KCNH5: variants seen among roughly 807,000 people sequenced by gnomAD.
KCNH5 encodes potassium voltage-gated channel subfamily H member 5.
Under a neutral mutation model 96.1 loss-of-function variants are expected in KCNH5, and 46 were observed. The ratio of observed to expected loss-of-function variants is 0.48; its 90% CI spans 0.38 to 0.61. KCNH5 has a LOEUF of 0.61. KCNH5 is among the 20% of genes least tolerant of loss of function. KCNH5 has a pLI of 0.00. For synonymous variants in KCNH5, 439 were observed against 449.8 expected (o/e 0.98, Z 0.30); for missense variants, 907 against 1,225.8 (o/e 0.74, Z 3.88).
chr14:62,919,153 G>GTATATATATATA (rs1889333827), intron 7 of KCNH5, among the ~76,000 whole-genome samples: 1 of 152,004 alleles, frequency 6.6e-6, no homozygotes, highest in Non-Finnish European at 1.5e-5. Context: ...ATATATACAT[G>GTATATATATATA]TGCCTAGAGA....
intron 7 of KCNH5, among the ~76,000 whole-genome samples, chr14:62,891,583 C>G (rs1328674619): frequency 6.6e-6 from 1 of 152,072 alleles, no homozygotes; most frequent in Admixed American, 6.6e-5. Context: ...TGAAACTAAA[C>G]ATCATGCCCC....
At chr14:62,996,939 A>G (rs558454122) in intron 4 of KCNH5, among the ~76,000 whole-genome samples, 85 of 152,368 alleles carry the variant, frequency 5.6e-4, no homozygotes, top group African/African-American at 2.0e-3. Flanking sequence ...TCATTCGTGT[A>G]TGAAAATGTT....
chr14:62,811,541 T>G (rs1196374711), intron 8 of KCNH5, among the ~76,000 whole-genome samples: 1 of 152,162 alleles, frequency 6.6e-6, no homozygotes, highest in Non-Finnish European at 1.5e-5. Context: ...CTTTCTACCA[T>G]GAATACAGTA....
chr14:62,898,407 A>T (rs1399706567), intron 7 of KCNH5, among the ~76,000 whole-genome samples: 19 of 152,178 alleles, frequency 1.2e-4, no homozygotes, highest in Non-Finnish European at 2.5e-4. Context: ...AAATCGCTGA[A>T]ATAATAGACT....
intron 8 of KCNH5, among the ~76,000 whole-genome samples, chr14:62,840,566 CTTTTTTTTT>C (rs71120238): frequency 5.2e-5 from 4 of 76,366 alleles, no homozygotes; most frequent in Non-Finnish European, 9.1e-5. Context: ...TCTTTTTTTT[CTTTTTTTTT>C]TTTTTTTTTT....
chr14:62,896,375 G>C (rs545344871), intron 7 of KCNH5, among the ~76,000 whole-genome samples: 5 of 152,250 alleles, frequency 3.3e-5, no homozygotes, highest in Admixed American at 3.3e-4. Context: ...TTAGGATTGG[G>C]GAGTGAGTAC....
intron 7 of KCNH5, among the ~76,000 whole-genome samples, chr14:62,890,698 CA>C (rs1277209731): frequency 0.015 from 812 of 55,892 alleles, 3 homozygotes; most frequent in South Asian, 0.018. Flanking sequence ...GACTCCGTCT[CA>C]AAAAAAAAAA....
rs556082162 is a variant in KCNH5 at position 62,847,157 on chromosome 14, A to G, written c.1569+2496T>C. Among the ~76,000 whole-genome samples the G allele has an allele frequency of 3.5e-4, 52 of 147,696 alleles. 1 individual carries two copies. In the East Asian group the frequency reaches 1.0e-2, roughly 28 times the overall value. ...TTAAATATTTTTATATATTTTTTAT[A>G]TATATATATTATATATATAATTTAT... On this transcript the variant is annotated intron_variant, in intron 8 of 10. Transcript: ENST00000322893.
chr14:62,967,570 G>A (rs1310585603), intron 6 of KCNH5, among the ~76,000 whole-genome samples: 1 of 151,996 alleles, frequency 6.6e-6, no homozygotes, highest in East Asian at 1.9e-4. Flanking sequence ...TCAATACAAA[G>A]ACAAACATAT....
chr14:62,951,061 G>C (rs1298673189), intron 6 of KCNH5, among the ~76,000 whole-genome samples: 1 of 152,116 alleles, frequency 6.6e-6, no homozygotes, highest in African/African-American at 2.4e-5. Flanking sequence ...AAATACTTTG[G>C]TATATATGGG....
chr14:62,840,222 T>C (rs1887548574), intron 8 of KCNH5, among the ~76,000 whole-genome samples: 1 of 152,160 alleles, frequency 6.6e-6, no homozygotes, highest in South Asian at 2.1e-4. Flanking sequence ...AATTTATATA[T>C]GCCATCTCTC....
chr14:63,025,484 C>G (rs1018059469), intron 1 of KCNH5, among the ~76,000 whole-genome samples: 3 of 151,868 alleles, frequency 2.0e-5, no homozygotes, highest in Non-Finnish European at 4.4e-5. Context: ...ACTAAAGACT[C>G]AACCAAAAAA....
intron 8 of KCNH5, among the ~76,000 whole-genome samples, chr14:62,822,376 A>C (rs1887132753): frequency 6.6e-6 from 1 of 152,164 alleles, no homozygotes; most frequent in Non-Finnish European, 1.5e-5. Flanking sequence ...CATACCTTAT[A>C]GCTATAGTAA....
intron 7 of KCNH5, among the ~76,000 whole-genome samples, chr14:62,942,235 T>C (rs542508635): frequency 2.0e-5 from 3 of 152,114 alleles, no homozygotes; most frequent in African/African-American, 7.2e-5. Flanking sequence ...CTTAGAAGTA[T>C]AGAATGTTAG....
chr14:62,902,716 T>C (rs528811466), intron 7 of KCNH5, among the ~76,000 whole-genome samples: 33 of 146,984 alleles, frequency 2.2e-4, no homozygotes, highest in African/African-American at 8.3e-4. Context: ...ATAATATCTA[T>C]GTCTTTTTTT....
intron 7 of KCNH5, among the ~76,000 whole-genome samples, chr14:62,881,537 A>G (rs1033091761): frequency 2.0e-5 from 3 of 152,154 alleles, no homozygotes; most frequent in Non-Finnish European, 4.4e-5. Flanking sequence ...GCCTGGCTTA[A>G]TACGTGGGTG....
At position 62,951,690 on chromosome 14, in the gene KCNH5, G is replaced by T. The variant is rs186474648; in HGVS notation, c.943-1131C>A. ...AGAAGGAAACAGTTGGCAGGGCACA[G>T]TGGCTCATGCCTGTAATCCCAGAAC... On this transcript the variant is annotated intron_variant, in intron 6 of 10. Transcript: ENST00000322893. 2.7e-3 allele frequency among the ~76,000 whole-genome samples: 411 copies of T among 152,302 alleles called. 3 individuals are homozygous for T. Among genetic ancestry groups the T allele is most frequent in the Middle Eastern group, 0.01 (3 of 294 alleles).
chr14:63,019,573 G>A lies in KCNH5; in HGVS notation c.74-2619C>T, dbSNP rs577871095. ...AACAGCTTTTTTGCAAAGATGCCAC[G>A]CCAACTGAATAGGTAAAGTCTTTTT... On this transcript the variant is annotated intron_variant, in intron 1 of 10. Coordinates refer to ENST00000322893, the MANE Select transcript of KCNH5 (RefSeq NM_139318.5). 3.3e-5 allele frequency among the ~76,000 whole-genome samples: 5 copies of A among 151,982 alleles called. No homozygotes were observed. The South Asian group carries it at 1.0e-3, about 32-fold the overall frequency.
At chr14:62,831,486 G>A (rs141058687) in intron 8 of KCNH5, among the ~76,000 whole-genome samples, 2,989 of 152,246 alleles carry the variant, frequency 0.02, 48 homozygotes, top group Non-Finnish European at 0.029. Flanking sequence ...CTGAAGTTAA[G>A]CTTGTTTACA....
Sources: allele counts gnomAD v4.1 joint callset (sites outside exome capture counted in the v4.1 genomes callset), GRCh38; gene constraint gnomAD v4.1.1; transcripts MANE v1.5; gene names NCBI Gene and HGNC (gene_info 2026-07-23, HGNC 2026-07-21).